The following MLYCD variants were observed in gnomAD, a reference collection of about 807,000 sequenced individuals.
MLYCD encodes the protein malonyl-CoA decarboxylase, also known as malonyl-CoA decarboxylase, mitochondrial.
A neutral mutation model predicts 35.8 loss-of-function variants in MLYCD; 27 were observed. The observed-to-expected ratio is 0.75, with a 90% CI of 0.56 to 1.04. The LOEUF is 1.04. Ranked by LOEUF, MLYCD falls within the 50% of genes least tolerant of loss-of-function variation. The pLI, the probability that MLYCD is intolerant of heterozygous loss-of-function variation, is 0.00. For missense variants in MLYCD, 917 were observed against 665.1 expected (o/e 1.38, Z -4.17); for synonymous variants, 403 against 302.4 (o/e 1.33, Z -3.45).
chr16:83,911,849 T>G, intron 3 of MLYCD: 1 of 304,154 alleles, frequency 3.3e-6, no homozygotes, highest in South Asian at 3.1e-5. Flanking sequence ...TGGAGCTGTT[T>G]GGTCTCAAGG....
intron 1 of MLYCD, among the ~76,000 whole-genome samples, chr16:83,900,376 CAT>C (rs1906741229): frequency 6.6e-6 from 1 of 152,168 alleles, no homozygotes; most frequent in African/African-American, 2.4e-5. Flanking sequence ...CCTAGAGCAA[CAT>C]ATACTCTTCT....
At chr16:83,903,302 G>T (rs115065261) in intron 1 of MLYCD, among the ~76,000 whole-genome samples, 1 of 152,116 alleles carries the variant, frequency 6.6e-6, no homozygotes, top group Non-Finnish European at 1.5e-5. Flanking sequence ...TTAGTTAATT[G>T]AGTACTCCTT....
Position 83,910,669 on chromosome 16 carries a change from C to T in MLYCD, c.799-1549C>T, listed in dbSNP as rs140734943. Among the ~76,000 whole-genome samples, 1,354 of 142,684 alleles carry T rather than the reference C, an allele frequency of 9.5e-3. 15 individuals are homozygous for T. Among genetic ancestry groups the T allele is most frequent in the African/African-American group, 0.034 (1,279 of 37,796 alleles). The allele number at this position is 142,684 out of a possible 152,430, so 93.6% of individuals were successfully genotyped here. A position where few individuals can be genotyped will look rare whatever the true frequency, so the allele number is the denominator to read the frequency against. ...TCGTGCCACTGCACTCCAGCCTGGGCGACAGAGCAAGACTCCATCTCAAAA... is the reference window on the plus strand; with the variant it reads ...TCGTGCCACTGCACTCCAGCCTGGGTGACAGAGCAAGACTCCATCTCAAAA... On this transcript the variant is annotated intron_variant, in intron 3 of 4. Transcript: ENST00000262430.
chr16:83,904,442 A>C (rs1159361526), intron 1 of MLYCD, among the ~76,000 whole-genome samples: 2 of 152,182 alleles, frequency 1.3e-5, no homozygotes, highest in Non-Finnish European at 2.9e-5. Flanking sequence ...TGCTATAGTC[A>C]AATGCAGAAA....
intron 1 of MLYCD, among the ~76,000 whole-genome samples, chr16:83,903,801 C>A (rs572576644): frequency 6.6e-6 from 1 of 152,220 alleles, no homozygotes; most frequent in African/African-American, 2.4e-5. Context: ...GCAGAATCCA[C>A]TGAGAACTGT....
chr16:83,901,836 G>GA (rs1276642574), intron 1 of MLYCD, among the ~76,000 whole-genome samples: 1 of 151,932 alleles, frequency 6.6e-6, no homozygotes, highest in Non-Finnish European at 1.5e-5. Flanking sequence ...TTACAGAAGG[G>GA]AAAAAAACAT....
chr16:83,910,171 A>C (rs1250743148), intron 3 of MLYCD, among the ~76,000 whole-genome samples: 1 of 149,388 alleles, frequency 6.7e-6, no homozygotes, highest in Non-Finnish European at 1.5e-5. Context: ...AGTCATGGAG[A>C]TTAGATTTTG....
At chr16:83,902,504 A>T (rs911638750) in intron 1 of MLYCD, among the ~76,000 whole-genome samples, 2 of 127,550 alleles carry the variant, frequency 1.6e-5, no homozygotes, top group African/African-American at 3.0e-5. Context: ...TTTTAATCTG[A>T]TTTTTTTTTT....
chr16:83,911,009 G>A (rs536626553), intron 3 of MLYCD, among the ~76,000 whole-genome samples: 2 of 152,072 alleles, frequency 1.3e-5, no homozygotes, highest in East Asian at 3.9e-4. Context: ...ACGGAGTCTC[G>A]CTCTGTGCCC....
At chr16:83,902,248 T>C (rs1246757250) in intron 1 of MLYCD, among the ~76,000 whole-genome samples, 1 of 149,370 alleles carries the variant, frequency 6.7e-6, no homozygotes, top group Non-Finnish European at 1.5e-5. Context: ...TGTTCATGTT[T>C]ATGTTTTTTC....
At position 83,915,126 on chromosome 16, in the gene MLYCD, G is replaced by C. The variant is rs763014509; in HGVS notation, c.1119G>C (p.Glu373Asp). Residue 373 changes from glutamate to aspartate, a missense_variant, in exon 5 of 5, where the codon GAG becomes GAC. By Grantham distance (45) the Glu-to-Asp change is conservative. Coordinates refer to ENST00000262430, the MANE Select transcript of MLYCD (RefSeq NM_012213.3). Reference protein sequence around the residue: ...ISEITGGPINETLKLLLSSSE... With the variant: ...ISEITGGPINDTLKLLLSSSE... ...AGATCACAGGTGGCCCCATTAACGA[G>C]ACCCTCAAGCTCCTCCTCAGCAGCA... is the stretch of plus-strand genomic sequence containing the variant. 12 of 1,614,146 alleles carry C rather than the reference G, an allele frequency of 7.4e-6. No individual in the cohort carries two copies. The South Asian group carries it at 1.2e-4, about 16-fold the overall frequency.
chr16:83,903,616 A>G (rs950558663), intron 1 of MLYCD, among the ~76,000 whole-genome samples: 1 of 152,260 alleles, frequency 6.6e-6, no homozygotes, highest in Non-Finnish European at 1.5e-5. Flanking sequence ...GGGCTGGTCT[A>G]AACGGTGTCA....
At chr16:83,904,127 C>G (rs544628411) in intron 1 of MLYCD, among the ~76,000 whole-genome samples, 1 of 152,110 alleles carries the variant, frequency 6.6e-6, no homozygotes, top group Non-Finnish European at 1.5e-5. Flanking sequence ...TTTCATCAGC[C>G]AAACCATTTC....
In MLYCD at chr16:83,922,787, G is replaced by C. The variant is rs946525083; in HGVS notation, c.*7298G>C. The C allele has an allele frequency of 5.3e-5, 8 of 152,280 alleles. No individual in the cohort carries two copies. The highest frequency in any genetic ancestry group is 1.2e-4 in the African/African-American group (5 of 41,476). The allele number at this position is 152,280 out of a possible 1,614,324, so 9.4% of individuals were successfully genotyped here. A position where few individuals can be genotyped will look rare whatever the true frequency, so the allele number is the denominator to read the frequency against. ...CTGCTCACCTGAATGCGGGTTCTGGGATCTTTCAGTCCTTATTTGGATATT... is the reference window on the plus strand; with the variant it reads ...CTGCTCACCTGAATGCGGGTTCTGGCATCTTTCAGTCCTTATTTGGATATT... On this transcript the variant is annotated 3_prime_UTR_variant, in exon 5 of 5. Coordinates refer to ENST00000262430, the MANE Select transcript of MLYCD (RefSeq NM_012213.3).
chr16:83,906,721 A>T (rs1906989394), intron 1 of MLYCD, among the ~76,000 whole-genome samples: 1 of 144,872 alleles, frequency 6.9e-6, no homozygotes, highest in South Asian at 2.1e-4. Context: ...TGGGCAACTT[A>T]GTTCAAATTG....
intron 1 of MLYCD, among the ~76,000 whole-genome samples, chr16:83,900,329 T>C (rs1906739626): frequency 6.6e-6 from 1 of 152,200 alleles, no homozygotes; most frequent in Non-Finnish European, 1.5e-5. Context: ...TGCAGACACA[T>C]ACTTTGAGAT....
chr16:83,911,221 G>A (rs533375145), intron 3 of MLYCD, among the ~76,000 whole-genome samples: 54 of 152,150 alleles, frequency 3.5e-4, no homozygotes, highest in African/African-American at 1.3e-3. Flanking sequence ...CTCGTGATCT[G>A]CCCGCCTCGG....
At chr16:83,906,231 A>AC (rs1268760943) in intron 1 of MLYCD, among the ~76,000 whole-genome samples, 2 of 149,996 alleles carry the variant, frequency 1.3e-5, no homozygotes, top group Non-Finnish European at 3.0e-5. Flanking sequence ...TACAAAAAAG[A>AC]CAAAAAAAAA....
intron 3 of MLYCD, among the ~76,000 whole-genome samples, chr16:83,909,704 C>G (rs1482820703): frequency 2.6e-5 from 4 of 151,280 alleles, no homozygotes; most frequent in Non-Finnish European, 4.4e-5. Context: ...TCACTGCAAC[C>G]TCCAACTCCC....
Sources: gnomAD v4.1 joint callset for allele counts (sites outside exome capture counted in the v4.1 genomes callset) on GRCh38, gnomAD v4.1.1 for gene constraint, MANE v1.5 for transcripts, NCBI Gene and HGNC (gene_info 2026-07-23, HGNC 2026-07-21) for gene names.